The following CCDC171 variants were observed in gnomAD, a reference collection of about 807,000 sequenced individuals.
CCDC171 encodes the protein coiled-coil domain-containing protein 171.
In CCDC171, 177 loss-of-function variants were observed where a neutral mutation model predicts 168.2. The observed-to-expected ratio is 1.05, with a 90% CI of 0.93 to 1.19. The LOEUF (loss-of-function observed/expected upper bound fraction) is 1.19, where lower values mean the gene tolerates loss of function less well. CCDC171 is among the 50% of genes most tolerant of loss of function. The pLI, the probability that CCDC171 is intolerant of heterozygous loss-of-function variation, is 0.00. For synonymous variants in CCDC171, 687 were observed against 540.8 expected, an observed-to-expected ratio of 1.27 and a Z score of -3.75; for missense variants, 1,991 against 1,539.0, an observed-to-expected ratio of 1.29 and a Z score of -4.91.
intron 3 of CCDC171, among the ~76,000 whole-genome samples, chr9:16,013,700 C>G (rs1369919601): frequency 6.6e-6 from 1 of 152,172 alleles, no homozygotes; most frequent in African/African-American, 2.4e-5. Flanking sequence ...AAAGTGAATA[C>G]CACAATAAAG....
chr9:16,014,446 G>A (rs551357068), intron 3 of CCDC171, among the ~76,000 whole-genome samples: 39 of 152,234 alleles, frequency 2.6e-4, no homozygotes, highest in Admixed American at 5.9e-4. Flanking sequence ...TCCTGTTAAT[G>A]TTGATATTTT....
intron 18 of CCDC171, among the ~76,000 whole-genome samples, chr9:15,770,839 A>T (rs1342694406): frequency 6.6e-6 from 1 of 152,172 alleles, no homozygotes; most frequent in Non-Finnish European, 1.5e-5. Context: ...AGAAAGTAAA[A>T]ATCACTCAAA....
At chr9:16,003,049 G>A (rs1832601106) in intron 3 of CCDC171, among the ~76,000 whole-genome samples, 1 of 152,146 alleles carries the variant, frequency 6.6e-6, no homozygotes, top group South Asian at 2.1e-4. Context: ...AGTGATGCAC[G>A]ACTCTATAAT....
chr9:15,890,273 A>G (rs879735821), intron 24 of CCDC171, among the ~76,000 whole-genome samples: 2 of 152,122 alleles, frequency 1.3e-5, no homozygotes, highest in Non-Finnish European at 2.9e-5. Context: ...TAAAAGTACC[A>G]TTGCTTGCCC....
chr9:15,611,928 C>T (rs1374839035), intron 6 of CCDC171, among the ~76,000 whole-genome samples: 2 of 152,128 alleles, frequency 1.3e-5, no homozygotes, highest in African/African-American at 2.4e-5. Context: ...GTGGGGTCTT[C>T]AGGAGATTAT....
chr9:15,765,821 A>C (rs1462796225), intron 18 of CCDC171, among the ~76,000 whole-genome samples: 1 of 152,196 alleles, frequency 6.6e-6, no homozygotes, highest in African/African-American at 2.4e-5. Flanking sequence ...AGTATATGCA[A>C]GAGTATAGTT....
chr9:15,997,881 C>G (rs896353147), intron 3 of CCDC171, among the ~76,000 whole-genome samples: 2 of 152,134 alleles, frequency 1.3e-5, no homozygotes. Context: ...ATATTTACCC[C>G]ACAGTGGAAC....
intron 1 of CCDC171, among the ~76,000 whole-genome samples, chr9:16,056,574 G>A (rs1477546272): frequency 6.6e-6 from 1 of 151,916 alleles, no homozygotes; most frequent in Non-Finnish European, 1.5e-5. Flanking sequence ...TGCAACCTCC[G>A]CCTCCCAGGT....
Position 16,057,013 on chromosome 9 carries a change from G to A in CCDC171, n.90-3633G>A, listed in dbSNP as rs191290158. On this transcript the variant is annotated intron_variant and non_coding_transcript_variant, in intron 1 of 1. Transcript: ENST00000478913. The stretch of plus-strand genomic sequence containing the variant: ...CTTATTTTCTAGCACAATAAAAAGC[G>A]ATCCAGCATTGAGTTTTCATGCCTG... Among the ~76,000 whole-genome samples the A allele has an allele frequency of 8.5e-4, 130 of 152,298 alleles. No individual in the cohort carries two copies. In the Middle Eastern group the frequency reaches 0.01, roughly 12 times the overall value.
chr9:15,843,958 C>T (rs1413187532), intron 21 of CCDC171, among the ~76,000 whole-genome samples: 1 of 152,138 alleles, frequency 6.6e-6, no homozygotes, highest in Non-Finnish European at 1.5e-5. Flanking sequence ...AACTTAATAT[C>T]AGGTGACAGT....
At chr9:16,013,938 G>C (rs1490309974) in intron 3 of CCDC171, among the ~76,000 whole-genome samples, 1 of 152,194 alleles carries the variant, frequency 6.6e-6, no homozygotes, top group Admixed American at 6.5e-5. Flanking sequence ...GTTGATGGCT[G>C]CTGACTGATC....
chr9:15,876,345 A>G (rs1817844746), intron 24 of CCDC171, among the ~76,000 whole-genome samples: 1 of 152,136 alleles, frequency 6.6e-6, no homozygotes, highest in South Asian at 2.1e-4. Context: ...TTCAGCGAAC[A>G]CTTAACTATG....
chr9:16,075,962 A>G, the CCDC171 span, among the ~76,000 whole-genome samples: 2 of 152,236 alleles, frequency 1.3e-5, no homozygotes, highest in East Asian at 1.9e-4. Flanking sequence ...ACTTTCATGT[A>G]TATGTACTGA....
At chr9:15,879,864 A>C (rs924153186) in intron 24 of CCDC171, among the ~76,000 whole-genome samples, 1 of 152,082 alleles carries the variant, frequency 6.6e-6, no homozygotes, top group African/African-American at 2.4e-5. Context: ...TATTATGTGT[A>C]CTCTAAGGCT....
At chr9:15,574,504 C>G (rs1341280545) in intron 3 of CCDC171, among the ~76,000 whole-genome samples, 1 of 152,106 alleles carries the variant, frequency 6.6e-6, no homozygotes, top group Non-Finnish European at 1.5e-5. Flanking sequence ...GTCGCGAACT[C>G]CTGACCTCAA....
At position 15,920,241 on chromosome 9, in the gene CCDC171, T is replaced by G. The variant is rs538632949; in HGVS notation, c.3601-29T>G. 5.0e-5 allele frequency: 72 copies of G among 1,429,604 alleles called. No individual in the cohort carries two copies. The Middle Eastern group carries it at 5.5e-4, about 11-fold the overall frequency. 88.6% of individuals were successfully genotyped at this position (1,429,604 alleles called of 1,614,324 possible). On this transcript the variant is annotated intron_variant, in intron 24 of 25. Transcript: ENST00000380701. ...CCTTTGGGGACATATTTATTTGAAT[T>G]ATATGTGACATTATTTTTATTTCTT...
At chr9:15,775,996 T>C (rs1269020087) in intron 18 of CCDC171, among the ~76,000 whole-genome samples, 4 of 152,174 alleles carry the variant, frequency 2.6e-5, no homozygotes. Context: ...AAATTGAATA[T>C]TATAGACAAA....
intron 21 of CCDC171, among the ~76,000 whole-genome samples, chr9:15,793,997 T>C (rs2058419858): frequency 7.1e-6 from 1 of 141,556 alleles, no homozygotes; most frequent in East Asian, 2.1e-4. Flanking sequence ...CCTGCTTTAC[T>C]GTACTGGCTA....
chr9:15,816,994 A>G (rs2059582564), intron 21 of CCDC171, among the ~76,000 whole-genome samples: 1 of 118,094 alleles, frequency 8.5e-6, no homozygotes, highest in Non-Finnish European at 1.9e-5. Flanking sequence ...CAAAAGATAA[A>G]AGAAGTTTTA....
Sources: allele counts gnomAD v4.1 joint callset (sites outside exome capture counted in the v4.1 genomes callset), GRCh38; gene constraint gnomAD v4.1.1; transcripts MANE v1.5; gene names NCBI Gene and HGNC (gene_info 2026-07-23, HGNC 2026-07-21).